The following TBC1D22B variants were observed in gnomAD, a reference collection of about 807,000 sequenced individuals.
TBC1D22B encodes TBC1 domain family member 22B, also known as chromosome 6 open reading frame 197.
A neutral mutation model predicts 69.1 loss-of-function variants in TBC1D22B; 32 were observed. That is an observed-to-expected ratio of 0.46 (90% CI 0.35 to 0.62). The LOEUF is 0.62. TBC1D22B is among the 20% of genes least tolerant of loss of function. TBC1D22B has a pLI of 0.00. For synonymous variants in TBC1D22B, 206 were observed against 229.8 expected (o/e 0.90, Z 0.94); for missense variants, 462 against 630.9 (o/e 0.73, Z 2.87).
rs1276047730 is a variant in TBC1D22B at position 37,332,253 on chromosome 6, C to G, written c.*1081C>G. 1 of 152,508 alleles carries G rather than the reference C, an allele frequency of 6.6e-6. No individual in the cohort carries two copies. The highest frequency in any genetic ancestry group is 6.5e-5 in the Admixed American group (1 of 15,274). 9.4% of individuals were successfully genotyped at this position (152,508 alleles called of 1,614,324 possible). On this transcript the variant is annotated 3_prime_UTR_variant, in exon 13 of 13. Coordinates refer to ENST00000373491, the MANE Select transcript of TBC1D22B (RefSeq NM_017772.4). ...ATCAGTGTCTCAGAGTCCTCCTCGCCCCTTTCTTCACCCCGCCCCCCAACC... is the reference window on the plus strand; with the variant it reads ...ATCAGTGTCTCAGAGTCCTCCTCGCGCCTTTCTTCACCCCGCCCCCCAACC...
At chr6:37,278,379 A>G (rs1003222804) in intron 2 of TBC1D22B, among the ~76,000 whole-genome samples, 2 of 152,258 alleles carry the variant, frequency 1.3e-5, no homozygotes, top group African/African-American at 2.4e-5. Flanking sequence ...GTTTAATGCT[A>G]CATATGTGGA....
At chr6:37,268,228 A>G (rs1177542479) in intron 1 of TBC1D22B, among the ~76,000 whole-genome samples, 1 of 151,798 alleles carries the variant, frequency 6.6e-6, no homozygotes, top group Non-Finnish European at 1.5e-5. Flanking sequence ...ATTTATTCTC[A>G]TTTTCTTTCT....
chr6:37,299,343 A>T (rs901028356), intron 8 of TBC1D22B, among the ~76,000 whole-genome samples: 1 of 152,210 alleles, frequency 6.6e-6, no homozygotes, highest in African/African-American at 2.4e-5. Flanking sequence ...TATTAGGTTG[A>T]ATCATATAAA....
chr6:37,305,773 G>T (rs1445261861), intron 8 of TBC1D22B, among the ~76,000 whole-genome samples: 5 of 152,198 alleles, frequency 3.3e-5, no homozygotes, highest in African/African-American at 4.8e-5. Context: ...ACCCGTCTCG[G>T]CCTCCCAAAG....
chr6:37,274,797 T>A (rs1766609889), intron 2 of TBC1D22B, among the ~76,000 whole-genome samples: 1 of 152,242 alleles, frequency 6.6e-6, no homozygotes, highest in South Asian at 2.1e-4. Flanking sequence ...ACGCCTGTAA[T>A]CCCAACGCTT....
intron 8 of TBC1D22B, among the ~76,000 whole-genome samples, chr6:37,303,669 C>T (rs2113768775): frequency 6.6e-6 from 1 of 152,334 alleles, no homozygotes; most frequent in South Asian, 2.1e-4. Context: ...GGCCCTGTGA[C>T]CTGCTCCCTG....
chr6:37,287,120 T>C, intron 7 of TBC1D22B, 48 bp downstream of exon 7: 6 of 1,497,536 alleles, frequency 4.0e-6, no homozygotes, highest in Non-Finnish European at 5.4e-6. Flanking sequence ...CGCATAGTTC[T>C]GTGGCACCTG....
At position 37,279,316 on chromosome 6, in the gene TBC1D22B, A is replaced by G; in HGVS notation, c.126A>G (p.Glu42=). ...TCCTTTCTTGAAGTTTCATTAAAGA[A>G]CGATCAAAAGTCAACACAGTTCCTC... is the stretch of plus-strand genomic sequence containing the variant. ...DPRLTKNFIK[E]RSKVNTVPLK... Residue 42 remains glutamate (E), a synonymous_variant, in exon 3 of 13, where the codon GAA becomes GAG. Transcript: ENST00000373491. The G allele has an allele frequency of 6.3e-7, 1 of 1,596,388 alleles. No homozygotes were observed. The highest frequency in any genetic ancestry group is 1.4e-5 in the African/African-American group (1 of 73,998).
chr6:37,282,387 A>G (rs1291336394), intron 4 of TBC1D22B, 23 bp downstream of exon 4: 1 of 1,564,426 alleles, frequency 6.4e-7, no homozygotes, highest in Admixed American at 1.9e-5. Flanking sequence ...GAGCCCAGGC[A>G]AGGTAGGAGC....
At chr6:37,288,804 A>G (rs1252151694) in intron 7 of TBC1D22B, among the ~76,000 whole-genome samples, 1 of 151,918 alleles carries the variant, frequency 6.6e-6, no homozygotes, top group Non-Finnish European at 1.5e-5. Flanking sequence ...TCCTGAATAC[A>G]ATATGGGAAC....
chr6:37,318,426 A>G (rs1768144405), intron 12 of TBC1D22B, among the ~76,000 whole-genome samples: 2 of 152,226 alleles, frequency 1.3e-5, no homozygotes. Context: ...TTGAAGTACC[A>G]TTAGACGTCT....
intron 8 of TBC1D22B, among the ~76,000 whole-genome samples, chr6:37,310,807 C>T (rs1767887450): frequency 6.6e-6 from 1 of 152,130 alleles, no homozygotes; most frequent in Non-Finnish European, 1.5e-5. Context: ...TCAATTGTGG[C>T]TCTTTTTTCC....
At chr6:37,279,228 T>C in intron 2 of TBC1D22B, 76 bp from the exon 3 acceptor site, 1 of 1,335,330 alleles carries the variant, frequency 7.5e-7, no homozygotes, top group Non-Finnish European at 1.0e-6. Flanking sequence ...AATTTATTAA[T>C]ATTACAATAA....
intron 2 of TBC1D22B, 56 bp from the exon 3 acceptor site, chr6:37,279,248 G>A (rs1295524683): frequency 7.0e-7 from 1 of 1,423,482 alleles, no homozygotes; most frequent in East Asian, 2.3e-5. Context: ...ATAAGCAAAT[G>A]TAGGTGGTCA....
intron 2 of TBC1D22B, 76 bp downstream of exon 2, chr6:37,269,726 G>A: frequency 7.2e-7 from 1 of 1,397,450 alleles, no homozygotes; most frequent in South Asian, 1.2e-5. Flanking sequence ...TGAAATGACA[G>A]TTTCCACCTT....
chr6:37,286,667 G>A (rs1222562872), intron 6 of TBC1D22B, among the ~76,000 whole-genome samples: 1 of 151,732 alleles, frequency 6.6e-6, no homozygotes, highest in Non-Finnish European at 1.5e-5. Flanking sequence ...AACTGGGCCA[G>A]GCACGGTGGC....
intron 1 of TBC1D22B, chr6:37,258,213 C>G: frequency 1.9e-6 from 1 of 535,674 alleles, no homozygotes; most frequent in Non-Finnish European, 3.3e-6. Flanking sequence ...GTGACCTCAG[C>G]GGGAAGGTGG....
intron 6 of TBC1D22B, among the ~76,000 whole-genome samples, chr6:37,285,517 G>A (rs1170561797): frequency 2.6e-5 from 4 of 151,678 alleles, no homozygotes; most frequent in African/African-American, 7.3e-5. Context: ...TTTTGAGACC[G>A]AGTCTTTTTC....
chr6:37,315,810 A>G (rs1768060659), intron 10 of TBC1D22B, among the ~76,000 whole-genome samples: 1 of 152,160 alleles, frequency 6.6e-6, no homozygotes, highest in Non-Finnish European at 1.5e-5. Flanking sequence ...TCCTGGGCTC[A>G]ACACTCCGCC....
Sources: allele counts gnomAD v4.1 joint callset (sites outside exome capture counted in the v4.1 genomes callset), GRCh38; gene constraint gnomAD v4.1.1; transcripts MANE v1.5; gene names NCBI Gene and HGNC (gene_info 2026-07-23, HGNC 2026-07-21).